The following TENT4A variants were observed in gnomAD, a reference collection of about 807,000 sequenced individuals.
TENT4A encodes the protein DNA polymerase kappa.
TENT4A carries 7 observed loss-of-function variants against 72.8 expected under a neutral mutation model. The observed-to-expected ratio is 0.10, with a 90% confidence interval of 0.05 to 0.18. TENT4A has a LOEUF of 0.18. Among genes scored for constraint, TENT4A ranks in the 10% least tolerant of loss-of-function variants. TENT4A has a pLI of 1.00. For missense variants in TENT4A, 831 were observed against 1,017.7 expected (o/e 0.82, Z 2.50); for synonymous variants, 456 against 434.3 (o/e 1.05, Z -0.62).
intron 4 of TENT4A, among the ~76,000 whole-genome samples, chr5:6,741,881 T>C (rs1214471950): frequency 6.6e-6 from 1 of 152,198 alleles, no homozygotes; most frequent in African/African-American, 2.4e-5. Context: ...TCAGTTTTAC[T>C]GGTGGGGTGG....
intron 4 of TENT4A, 146 bp downstream of exon 4, chr5:6,739,998 C>T (rs1435209969): frequency 7.9e-6 from 6 of 759,790 alleles, no homozygotes; most frequent in African/African-American, 1.8e-5. Context: ...CTGGTATAGA[C>T]ATGTGTTTTA....
At chr5:6,737,671 G>A (rs182397859) in intron 2 of TENT4A, 38 bp downstream of exon 2, 323 of 1,599,106 alleles carry the variant, frequency 2.0e-4, no homozygotes, top group Admixed American at 7.0e-4. Flanking sequence ...CGCACGTCAC[G>A]TGCGAGTAAA....
At position 6,754,965 on chromosome 5, in the gene TENT4A, C is replaced by G; in HGVS notation, c.*20C>G. The G allele has an allele frequency of 6.4e-7, 1 of 1,554,208 alleles. No homozygotes were observed. The highest frequency in any genetic ancestry group is 8.8e-7 in the Non-Finnish European group (1 of 1,140,992). ...AGATAATGGCTCCTGGCTGCGTCAGCCTCCCCCACCCCTCTGCAGACTGCC... is the reference window on the plus strand; with the variant it reads ...AGATAATGGCTCCTGGCTGCGTCAGGCTCCCCCACCCCTCTGCAGACTGCC... On this transcript the variant is annotated 3_prime_UTR_variant, in exon 13 of 13. Transcript: ENST00000230859.
At chr5:6,727,374 C>G (rs1740985993) in intron 1 of TENT4A, among the ~76,000 whole-genome samples, 1 of 152,196 alleles carries the variant, frequency 6.6e-6, no homozygotes, top group Admixed American at 6.5e-5. Flanking sequence ...CCTTTGCTGG[C>G]ACCTGGGCTC....
chr5:6,729,177 G>A lies in TENT4A; in HGVS notation c.717-8333G>A, dbSNP rs1370860089. On this transcript the variant is annotated intron_variant, in intron 1 of 12. Transcript: ENST00000230859. Reference sequence around the variant, plus strand: ...AGCTCAGTGGCTCAGACTTCAAGATGAAGACTTCAGTCCTGGTTGTGTATG... The same window carrying A: ...AGCTCAGTGGCTCAGACTTCAAGATAAAGACTTCAGTCCTGGTTGTGTATG... Among the ~76,000 whole-genome samples, 4 of 152,210 alleles carry A rather than the reference G, an allele frequency of 2.6e-5. No homozygotes were observed. In the East Asian group the frequency reaches 7.7e-4, roughly 29 times the overall value.
intron 1 of TENT4A, among the ~76,000 whole-genome samples, chr5:6,725,411 C>T (rs1454595802): frequency 6.6e-6 from 1 of 152,178 alleles, no homozygotes; most frequent in East Asian, 1.9e-4. Flanking sequence ...TGTCTGAGGG[C>T]CTGCCCAGTC....
At chr5:6,740,588 T>C (rs1187763291) in intron 4 of TENT4A, among the ~76,000 whole-genome samples, 1 of 130,804 alleles carries the variant, frequency 7.6e-6, no homozygotes, top group South Asian at 2.7e-4. Flanking sequence ...GAGGGGGCAT[T>C]CACATGTTTC....
chr5:6,736,048 A>T (rs1579473440), intron 1 of TENT4A, among the ~76,000 whole-genome samples: 4 of 152,218 alleles, frequency 2.6e-5, no homozygotes, highest in Admixed American at 2.6e-4. Flanking sequence ...GGCGTGAGCC[A>T]CCGCATCTGG....
intron 5 of TENT4A, 149 bp from the exon 6 acceptor site, chr5:6,743,563 A>G (rs1256717198): frequency 4.8e-6 from 3 of 629,238 alleles, no homozygotes; most frequent in Non-Finnish European, 8.1e-6. Flanking sequence ...GCGTCCCCCA[A>G]CCAAAGTTTG....
intron 3 of TENT4A, among the ~76,000 whole-genome samples, chr5:6,739,454 T>C (rs416847): frequency 0.6 from 91,144 of 152,048 alleles, 27,888 homozygotes; most frequent in Middle Eastern, 0.69. Flanking sequence ...GCATTTTCAT[T>C]TGAATCCCCT....
chr5:6,719,978 T>TA (rs1184821667), intron 1 of TENT4A, among the ~76,000 whole-genome samples: 2 of 152,186 alleles, frequency 1.3e-5, no homozygotes, highest in African/African-American at 4.8e-5. Context: ...AGGGTCCTCT[T>TA]ACCAGCACAT....
intron 10 of TENT4A, chr5:6,750,816 C>A: frequency 1.9e-6 from 1 of 534,524 alleles, no homozygotes; most frequent in Non-Finnish European, 3.3e-6. Context: ...AAATTAAATC[C>A]AAGTATCTCT....
At position 6,714,614 on chromosome 5, in the gene TENT4A, C is replaced by G. The variant is rs1740264082; in HGVS notation, c.631C>G (p.Leu211Val). Residue 211 changes from leucine to valine, a missense_variant, in exon 1 of 13, where the codon CTC becomes GTC. Physicochemically the swap from Leu to Val is conservative, Grantham distance 32. Around this residue, in one of 3 missense-constraint regions of TENT4A, gnomAD observed 302 missense variants for 293.8 expected, o/e 1.03. Transcript: ENST00000230859. ...YLLSGSRAAA[L>V]SGGGGPGAQA... ...GCTGTCCGGCAGCCGCGCGGCCGCT[C>G]TCAGCGGAGGGGGCGGCCCCGGGGC... 4.2e-6 allele frequency: 5 copies of G among 1,198,730 alleles called. No individual in the cohort carries two copies. The highest frequency in any genetic ancestry group is 4.1e-6 in the Non-Finnish European group (4 of 966,532). The allele number at this position is 1,198,730 out of a possible 1,614,324, so 74.3% of individuals were successfully genotyped here.
chr5:6,745,507 A>G (rs1350391786), intron 6 of TENT4A, among the ~76,000 whole-genome samples: 1 of 152,228 alleles, frequency 6.6e-6, no homozygotes, highest in Non-Finnish European at 1.5e-5. Flanking sequence ...GGTGAGAGCA[A>G]CAAGCTGGAT....
chr5:6,749,029 A>G (rs1439120311), intron 8 of TENT4A, among the ~76,000 whole-genome samples: 1 of 152,162 alleles, frequency 6.6e-6, no homozygotes, highest in Non-Finnish European at 1.5e-5. Flanking sequence ...AGGAATGGGA[A>G]GGAAGAGTAA....
chr5:6,752,405 C>T (rs1742455561), intron 11 of TENT4A, among the ~76,000 whole-genome samples: 1 of 152,266 alleles, frequency 6.6e-6, no homozygotes, highest in African/African-American at 2.4e-5. Flanking sequence ...CTCGTTAGCG[C>T]ACTTCTGCTG....
chr5:6,730,338 C>T lies in TENT4A; in HGVS notation c.717-7172C>T, dbSNP rs149113450. Among the ~76,000 whole-genome samples the T allele has an allele frequency of 2.9e-3, 446 of 152,300 alleles. 2 individuals are homozygous for T. Among genetic ancestry groups the T allele is most frequent in the African/African-American group, 0.01 (423 of 41,564 alleles). ...AGGCTTACATTTGCTGAGTGGAATT[C>T]ATGTAGATCTGAGTTCCGCATTGAT... On this transcript the variant is annotated intron_variant, in intron 1 of 12. Transcript: ENST00000230859.
intron 1 of TENT4A, among the ~76,000 whole-genome samples, chr5:6,722,620 C>A (rs552468436): frequency 7.0e-6 from 1 of 142,540 alleles, no homozygotes; most frequent in East Asian, 2.1e-4. Flanking sequence ...ATAAGAATCT[C>A]ATCTCCCCAG....
chr5:6,734,950 T>C (rs961500598), intron 1 of TENT4A, among the ~76,000 whole-genome samples: 2 of 152,330 alleles, frequency 1.3e-5, no homozygotes, highest in East Asian at 1.9e-4. Context: ...CTTCCTTTCC[T>C]GGAGTGTTGA....
Sources: gnomAD v4.1 joint callset for allele counts (sites outside exome capture counted in the v4.1 genomes callset) on GRCh38, gnomAD v4.1.1 for gene constraint, gnomAD v4.1.1 regional missense constraint, MANE v1.5 for transcripts, NCBI Gene and HGNC (gene_info 2026-07-23, HGNC 2026-07-21) for gene names.